The following STAT1 variants were observed in gnomAD, a reference collection of about 807,000 sequenced individuals.
The protein encoded by STAT1 is signal transducer and activator of transcription 1-alpha/beta.
A neutral mutation model predicts 111.7 loss-of-function variants in STAT1; 24 were observed. The observed-to-expected ratio is 0.21, with a 90% CI of 0.16 to 0.30. STAT1 has a LOEUF of 0.30. Ranked by LOEUF, STAT1 falls within the 10% of genes least tolerant of loss-of-function variation. The pLI is 1.00. For missense variants in STAT1, 351 were observed against 911.9 expected, an observed-to-expected ratio of 0.38 and a Z score of 7.92; for synonymous variants, 332 against 326.5, an observed-to-expected ratio of 1.02 and a Z score of -0.18.
rs374162904 is a variant in STAT1 at position 190,979,724 on chromosome 2, C to G, written c.1727+48G>C. ...CTGGACTCAGGCCTTGTCTCAACCT[C>G]GCAGCACTAAAAATATGTTTCAAAA... On this transcript the variant is annotated intron_variant, in intron 20 of 24. Transcript: ENST00000361099. The surrounding 1 kb of genome is among the most constrained non-coding windows in gnomAD (Gnocchi z 5.8). 6.8e-7 allele frequency: 1 copy of G among 1,466,712 alleles called. No individual in the cohort carries two copies. The highest frequency in any genetic ancestry group is 2.3e-5 in the East Asian group (1 of 44,168). The allele number at this position is 1,466,712 out of a possible 1,614,324, so 90.9% of individuals were successfully genotyped here.
rs779046006 is a variant in STAT1, at chr2:190,975,770, G to T, written c.2135+42C>A. The T allele has an allele frequency of 6.2e-7, 1 of 1,613,488 alleles. No individual in the cohort carries two copies. On this transcript the variant is annotated intron_variant, in intron 23 of 24. Coordinates refer to ENST00000361099, the MANE Select transcript of STAT1 (RefSeq NM_007315.4). The surrounding 1 kb of genome is among the most constrained non-coding windows in gnomAD (Gnocchi z 5.9). Reference sequence around the variant, plus strand: ...CAGGCCCCAGCCAGGAGCAAGGCTGGCTTGAGGTTTGTAAACATGTCACTC... The same window carrying T: ...CAGGCCCCAGCCAGGAGCAAGGCTGTCTTGAGGTTTGTAAACATGTCACTC...
At position 190,990,935 on chromosome 2, in the gene STAT1, ACT is replaced by A. The variant is rs1026756728; in HGVS notation, c.1037+291_1037+292del. ...AGGGGTGAGGCAGCCAGGAACTTTT[ACT>A]CTCTATTACACACATTTCTGCAATT... On this transcript the variant is annotated intron_variant, in intron 11 of 24. Transcript: ENST00000361099. The surrounding 1 kb of genome is among the most constrained non-coding windows in gnomAD (Gnocchi z 5.1). Among the ~76,000 whole-genome samples, 7 of 152,098 alleles carry A rather than the reference ACT, an allele frequency of 4.6e-5. No individual in the cohort carries two copies. Among genetic ancestry groups the A allele is most frequent in the African/African-American group, 1.4e-4 (6 of 41,406 alleles).
Position 191,012,639 on chromosome 2 carries a change from T to A in STAT1, c.-2+886A>T, listed in dbSNP as rs1695228335. Reference sequence around the variant, plus strand: ...CAGTCCAGCCTCTGCTGCCCACAGATTGGACCACATCAATCTCCTGTGCAA... The same window carrying A: ...CAGTCCAGCCTCTGCTGCCCACAGAATGGACCACATCAATCTCCTGTGCAA... On this transcript the variant is annotated intron_variant, in intron 2 of 24. Coordinates refer to ENST00000361099, the MANE Select transcript of STAT1 (RefSeq NM_007315.4). The surrounding 1 kb of genome is among the most constrained non-coding windows in gnomAD (Gnocchi z 4.0). Among the ~76,000 whole-genome samples the A allele has an allele frequency of 6.6e-6, 1 of 152,156 alleles. No individual in the cohort carries two copies. Among genetic ancestry groups the A allele is most frequent in the Non-Finnish European group, 1.5e-5 (1 of 68,020 alleles).
chr2:190,988,866 C>T (rs1693081226), intron 12 of STAT1, among the ~76,000 whole-genome samples: 1 of 137,648 alleles, frequency 7.3e-6, no homozygotes, highest in East Asian at 2.1e-4. Flanking sequence ...CTTGCCAAAA[C>T]AGTATGTGAC....
rs1694052824 is a variant in STAT1, at chr2:190,998,880, G to A, written c.542-572C>T. ...AATTCAGATAAAAAATGTATACAAA[G>A]CATAGCTGTAGCTTTCAAAGAGAAG... is the stretch of plus-strand genomic sequence containing the variant. On this transcript the variant is annotated intron_variant, in intron 7 of 24. Transcript: ENST00000361099. This position sits in a 1 kb window ranked among gnomAD's most constrained non-coding sequence, Gnocchi z 4.1. Among the ~76,000 whole-genome samples, 1 of 151,878 alleles carries A rather than the reference G, an allele frequency of 6.6e-6. No homozygotes were observed. The highest frequency in any genetic ancestry group is 1.5e-5 in the Non-Finnish European group (1 of 67,964).
Position 191,006,150 on chromosome 2 carries a change from CAAGTCTATTAGA to C in STAT1, c.372+1401_372+1412del, listed in dbSNP as rs1272371436. Among the ~76,000 whole-genome samples, 2 of 152,212 alleles carry C rather than the reference CAAGTCTATTAGA, an allele frequency of 1.3e-5. No individual in the cohort carries two copies. The highest frequency in any genetic ancestry group is 1.3e-4 in the Admixed American group (2 of 15,280). On this transcript the variant is annotated intron_variant, in intron 5 of 24. Coordinates refer to ENST00000361099, the MANE Select transcript of STAT1 (RefSeq NM_007315.4). The surrounding 1 kb of genome is among the most constrained non-coding windows in gnomAD (Gnocchi z 4.6). ...CCATCTTTGCTCCTGGCTGTCCTTT[CAAGTCTATTAGA>C]AATACAGAGGAGGCCCACGCATACT...
rs1160577796 is a variant in STAT1 at position 190,986,676 on chromosome 2, G to T, written c.1221+178C>A. ...CAGAAAACAGAGTGAACAGTCGTGG[G>T]ATAAGGAGGAGAAACCAAAATGCCC... is the stretch of plus-strand genomic sequence containing the variant. On this transcript the variant is annotated intron_variant, in intron 14 of 24. Coordinates refer to ENST00000361099, the MANE Select transcript of STAT1 (RefSeq NM_007315.4). This position sits in a 1 kb window ranked among gnomAD's most constrained non-coding sequence, Gnocchi z 5.0. Among the ~76,000 whole-genome samples the T allele has an allele frequency of 6.6e-6, 1 of 152,230 alleles. No individual in the cohort carries two copies. Among genetic ancestry groups the T allele is most frequent in the Non-Finnish European group, 1.5e-5 (1 of 68,028 alleles).
chr2:191,001,961 CTG>C lies in STAT1; in HGVS notation c.373-800_373-799del, dbSNP rs1323285539. Among the ~76,000 whole-genome samples, 4 of 152,296 alleles carry C rather than the reference CTG, an allele frequency of 2.6e-5. No homozygotes were observed. In the East Asian group the frequency reaches 5.8e-4, roughly 22 times the overall value. ...AGTTAAATCCCCCACACAGCAAAAA[CTG>C]TGCTTGTCAACCTTTCTTACACAGT... On this transcript the variant is annotated intron_variant, in intron 5 of 24. Coordinates refer to ENST00000361099, the MANE Select transcript of STAT1 (RefSeq NM_007315.4).
rs45506898 is a variant in STAT1 at position 190,997,165 on chromosome 2, G to A, written c.785+691C>T. On this transcript the variant is annotated intron_variant, in intron 9 of 24. Coordinates refer to ENST00000361099, the MANE Select transcript of STAT1 (RefSeq NM_007315.4). The surrounding 1 kb of genome is among the most constrained non-coding windows in gnomAD (Gnocchi z 7.3). ...CTCCCACATGTGTGCCTTTGCACAC[G>A]CTGTGCTCTGTGCTGGAAAGCACTT... Among the ~76,000 whole-genome samples, 527 of 152,316 alleles carry A rather than the reference G, an allele frequency of 3.5e-3. 6 individuals carry two copies. The highest frequency in any genetic ancestry group is 0.012 in the African/African-American group (501 of 41,574).
In STAT1 at chr2:190,973,263, C is replaced by T. The variant is rs1488486580; in HGVS notation, c.2238+1567G>A. ...GGCTTTCCAGGATACCGGACAAAAGCATGCACTAGAGACTCACTAGGTAGA... is the reference window on the plus strand; with the variant it reads ...GGCTTTCCAGGATACCGGACAAAAGTATGCACTAGAGACTCACTAGGTAGA... On this transcript the variant is annotated intron_variant, in intron 24 of 24. Coordinates refer to ENST00000361099, the MANE Select transcript of STAT1 (RefSeq NM_007315.4). The surrounding 1 kb of genome is among the most constrained non-coding windows in gnomAD (Gnocchi z 4.4). Among the ~76,000 whole-genome samples, 1 of 152,164 alleles carries T rather than the reference C, an allele frequency of 6.6e-6. No individual in the cohort carries two copies. The highest frequency in any genetic ancestry group is 1.5e-5 in the Non-Finnish European group (1 of 68,024).
At chr2:190,985,948 T>C (rs1692778619) in intron 14 of STAT1, among the ~76,000 whole-genome samples, 1 of 152,162 alleles carries the variant, frequency 6.6e-6, no homozygotes. Flanking sequence ...GCACCTTCGT[T>C]AACTGTTTCA....
intron 2 of STAT1, 73 bp from the exon 3 acceptor site, chr2:191,010,077 T>C (rs919873776): frequency 7.7e-5 from 121 of 1,561,704 alleles, no homozygotes; most frequent in Middle Eastern, 5.0e-4. Flanking sequence ...CTTCCTAGCA[T>C]CAGGTTGTAC....
Position 191,007,333 on chromosome 2 carries a change from GA to G in STAT1, c.372+229del, listed in dbSNP as rs1011914961. Among the ~76,000 whole-genome samples, 4 of 152,162 alleles carry G rather than the reference GA, an allele frequency of 2.6e-5. No homozygotes were observed. Among genetic ancestry groups the G allele is most frequent in the Non-Finnish European group, 5.9e-5 (4 of 68,030 alleles). On this transcript the variant is annotated intron_variant, in intron 5 of 24. Coordinates refer to ENST00000361099, the MANE Select transcript of STAT1 (RefSeq NM_007315.4). This position sits in a 1 kb window ranked among gnomAD's most constrained non-coding sequence, Gnocchi z 4.2. Reference sequence around the variant, plus strand: ...TCTTCTCAGCACTTTATGCTACCCAGAAGTATCTTGTTTATATGTTCTCTCT... The same window carrying G: ...TCTTCTCAGCACTTTATGCTACCCAGAGTATCTTGTTTATATGTTCTCTCT...
Position 190,997,039 on chromosome 2 carries a change from G to C in STAT1, c.785+817C>G, listed in dbSNP as rs1002751317. Among the ~76,000 whole-genome samples, 1 of 152,192 alleles carries C rather than the reference G, an allele frequency of 6.6e-6. No individual in the cohort carries two copies. Among genetic ancestry groups the C allele is most frequent in the African/African-American group, 2.4e-5 (1 of 41,442 alleles). ...TCCCCCATTCCCAGCATGGTGCTGAGAACCTGCACCATCAGGCTCCAGCAT... is the reference window on the plus strand; with the variant it reads ...TCCCCCATTCCCAGCATGGTGCTGACAACCTGCACCATCAGGCTCCAGCAT... On this transcript the variant is annotated intron_variant, in intron 9 of 24. Transcript: ENST00000361099. This position sits in a 1 kb window ranked among gnomAD's most constrained non-coding sequence, Gnocchi z 7.3.
At chr2:190,994,835 G>C (rs1693692844) in intron 10 of STAT1, among the ~76,000 whole-genome samples, 2 of 149,618 alleles carry the variant, frequency 1.3e-5, no homozygotes, top group South Asian at 2.1e-4. Flanking sequence ...AGGATTGCTT[G>C]AACTTGGGAG....
rs45526631 is a variant in STAT1, at chr2:190,973,624, C to T, written c.2238+1206G>A. Among the ~76,000 whole-genome samples, 3,610 of 152,262 alleles carry T rather than the reference C, an allele frequency of 0.024. 81 individuals carry two copies. The highest frequency in any genetic ancestry group is 0.097 in the South Asian group (469 of 4,824). ...GCTTTATATTTATTCCATTTTTGTGCCAGGCCTATAGCAGTGTTGGGAGCG... is the reference window on the plus strand; with the variant it reads ...GCTTTATATTTATTCCATTTTTGTGTCAGGCCTATAGCAGTGTTGGGAGCG... On this transcript the variant is annotated intron_variant, in intron 24 of 24. Coordinates refer to ENST00000361099, the MANE Select transcript of STAT1 (RefSeq NM_007315.4). This position sits in a 1 kb window ranked among gnomAD's most constrained non-coding sequence, Gnocchi z 4.4.
chr2:190,986,754 G>A lies in STAT1; in HGVS notation c.1221+100C>T, dbSNP rs913551100. The A allele has an allele frequency of 2.6e-6, 3 of 1,165,044 alleles. No individual in the cohort carries two copies. Among genetic ancestry groups the A allele is most frequent in the South Asian group, 2.5e-5 (2 of 81,486 alleles). 72.2% of individuals were successfully genotyped at this position (1,165,044 alleles called of 1,614,324 possible). A position where few individuals can be genotyped will look rare whatever the true frequency, so the allele number is the denominator to read the frequency against. ...CCACAAAGTCTACAAACCCCAGCAG[G>A]GGGGCGTCCTCCACATGGCAATGTG... On this transcript the variant is annotated intron_variant, in intron 14 of 24. Coordinates refer to ENST00000361099, the MANE Select transcript of STAT1 (RefSeq NM_007315.4). The surrounding 1 kb of genome is among the most constrained non-coding windows in gnomAD (Gnocchi z 5.0).
chr2:190,970,237 A>G lies in STAT1; in HGVS notation c.*466T>C, dbSNP rs1691350280. ...ACAGGTAAACCAATGGAAAACTGCC[A>G]GTTACACTTAAAGCAAAGAAAACAT... On this transcript the variant is annotated 3_prime_UTR_variant, in exon 25 of 25. Transcript: ENST00000361099. This position sits in a 1 kb window ranked among gnomAD's most constrained non-coding sequence, Gnocchi z 5.4. 1 of 217,434 alleles carries G rather than the reference A, an allele frequency of 4.6e-6. No homozygotes were observed. The highest frequency in any genetic ancestry group is 7.0e-5 in the South Asian group (1 of 14,300). 13.5% of individuals were successfully genotyped at this position (217,434 alleles called of 1,614,324 possible). A position where few individuals can be genotyped will look rare whatever the true frequency, so the allele number is the denominator to read the frequency against.
chr2:191,010,102 C>T (rs2125103916), intron 2 of STAT1, 98 bp from the exon 3 acceptor site: 1 of 1,381,800 alleles, frequency 7.2e-7, no homozygotes, highest in East Asian at 2.4e-5. Context: ...AAATATCTTG[C>T]TTAATCCAAA....
Sources: gnomAD v4.1 joint callset for allele counts (sites outside exome capture counted in the v4.1 genomes callset) on GRCh38, gnomAD v4.1.1 for gene constraint, Gnocchi (gnomAD v3.1) non-coding constraint, MANE v1.5 for transcripts, NCBI Gene and HGNC (gene_info 2026-07-23, HGNC 2026-07-21) for gene names.